Variants in PACRG observed in about 807,000 individuals in gnomAD.
PACRG encodes the protein parkin coregulated, also known as parkin coregulated gene protein.
In PACRG, 29 loss-of-function variants were observed where a neutral mutation model predicts 29.7. That is an observed-to-expected ratio of 0.98 (90% CI 0.73 to 1.33). The LOEUF is 1.33. Ranked by LOEUF, PACRG falls within the 40% of genes most tolerant of loss-of-function variation. PACRG has a pLI of 0.00. For missense variants in PACRG, 279 were observed against 316.2 expected, an observed-to-expected ratio of 0.88 and a Z score of 0.89; for synonymous variants, 116 against 118.7, an observed-to-expected ratio of 0.98 and a Z score of 0.15.
At chr6:162,944,175 T>C (rs1487951625) in intron 2 of PACRG, among the ~76,000 whole-genome samples, 1 of 152,158 alleles carries the variant, frequency 6.6e-6, no homozygotes, top group East Asian at 1.9e-4. Context: ...TAGTAATAAC[T>C]ACCGTAAGCC....
chr6:163,292,518 G>A (rs547991609), intron 4 of PACRG, among the ~76,000 whole-genome samples: 3 of 152,076 alleles, frequency 2.0e-5, no homozygotes, highest in East Asian at 1.9e-4. Context: ...CTCCTGCCTC[G>A]GCCTCCTGAG....
intron 4 of PACRG, among the ~76,000 whole-genome samples, chr6:163,150,727 G>A (rs951211346): frequency 6.6e-6 from 1 of 152,202 alleles, no homozygotes; most frequent in Non-Finnish European, 1.5e-5. Context: ...CGGTTACCCC[G>A]CTTGGTAGTG....
intron 4 of PACRG, among the ~76,000 whole-genome samples, chr6:163,182,135 C>T (rs1008277418): frequency 8.5e-5 from 13 of 152,170 alleles, no homozygotes; most frequent in African/African-American, 3.1e-4. Context: ...GTGATAGACT[C>T]TTCCAGGCTC....
At chr6:163,232,057 G>A (rs66518967) in intron 4 of PACRG, among the ~76,000 whole-genome samples, 11,549 of 152,230 alleles carry the variant, frequency 0.076, 912 homozygotes, top group African/African-American at 0.18. Context: ...ACTTGAAGTG[G>A]GCACTGACTT....
chr6:163,202,685 A>G (rs1006628516), intron 4 of PACRG, among the ~76,000 whole-genome samples: 12 of 152,200 alleles, frequency 7.9e-5, no homozygotes, highest in African/African-American at 2.4e-4. Flanking sequence ...TAGCAAATAG[A>G]TCTTGGATTG....
rs369181967 is a variant in PACRG at position 163,002,587 on chromosome 6, G to A, written c.292-59563G>A. On this transcript the variant is annotated intron_variant, in intron 2 of 4. Coordinates refer to ENST00000366888, the MANE Select transcript of PACRG (RefSeq NM_001080379.2). Reference sequence around the variant, plus strand: ...GATCATGATATACACCCAAAAAGTAGTCACTGAATAAATGAATGAATCAGT... The same window carrying A: ...GATCATGATATACACCCAAAAAGTAATCACTGAATAAATGAATGAATCAGT... Among the ~76,000 whole-genome samples, 6 of 152,288 alleles carry A rather than the reference G, an allele frequency of 3.9e-5. No individual in the cohort carries two copies. In the East Asian group the frequency reaches 1.2e-3, roughly 29 times the overall value.
intron 2 of PACRG, among the ~76,000 whole-genome samples, chr6:163,057,039 G>A (rs549681219): frequency 2.6e-5 from 4 of 152,266 alleles, no homozygotes; most frequent in South Asian, 2.1e-4. Flanking sequence ...GTAAAACAGC[G>A]TGAGATATAT....
At chr6:163,293,066 G>T (rs1784669794) in intron 4 of PACRG, among the ~76,000 whole-genome samples, 1 of 152,176 alleles carries the variant, frequency 6.6e-6, no homozygotes, top group Admixed American at 6.5e-5. Context: ...TGAGTCACCA[G>T]AAAAGATTTT....
intron 1 of PACRG, among the ~76,000 whole-genome samples, chr6:162,765,315 G>T (rs1782694137): frequency 6.6e-6 from 1 of 151,952 alleles, no homozygotes; most frequent in African/African-American, 2.4e-5. Context: ...CAAGGGAGAG[G>T]GAAACCCTTG....
At chr6:163,022,746 T>G (rs1307562732) in intron 2 of PACRG, among the ~76,000 whole-genome samples, 3 of 152,222 alleles carry the variant, frequency 2.0e-5, no homozygotes, top group African/African-American at 7.2e-5. Flanking sequence ...CTGTGGCAAG[T>G]CTGAGATTTA....
intron 2 of PACRG, among the ~76,000 whole-genome samples, chr6:162,817,704 A>T (rs1265084137): frequency 6.6e-6 from 1 of 152,212 alleles, no homozygotes. Context: ...TGGTTACCAT[A>T]TTAGACCATG....
intron 4 of PACRG, among the ~76,000 whole-genome samples, chr6:163,304,015 C>CAAAAAAA (rs59861286): frequency 0.084 from 6,421 of 76,150 alleles, 387 homozygotes; most frequent in African/African-American, 0.15. Context: ...GACTCCATTT[C>CAAAAAAA]AAAAAAAAAA....
intron 4 of PACRG, among the ~76,000 whole-genome samples, chr6:163,282,648 G>A (rs1200230712): frequency 6.6e-6 from 1 of 151,064 alleles, no homozygotes; most frequent in Admixed American, 6.6e-5. Context: ...GGAGGTGGAG[G>A]TTGAAATGAG....
chr6:162,892,931 G>A (rs538411896), intron 2 of PACRG, among the ~76,000 whole-genome samples: 32 of 149,658 alleles, frequency 2.1e-4, no homozygotes, highest in African/African-American at 6.2e-4. Context: ...CAGGAGCCTC[G>A]GCCCACACCC....
At chr6:162,982,702 G>C (rs1584932832) in intron 2 of PACRG, among the ~76,000 whole-genome samples, 1 of 151,976 alleles carries the variant, frequency 6.6e-6, no homozygotes, top group Non-Finnish European at 1.5e-5. Flanking sequence ...TAAATGTATT[G>C]AGACTTGTTT....
chr6:163,179,457 T>C, intron 4 of PACRG: 1 of 288,204 alleles, frequency 3.5e-6, no homozygotes, highest in East Asian at 9.1e-5. Flanking sequence ...CCCAACACTT[T>C]GGGAGGCTGA....
chr6:162,745,379 T>C (rs1019068434), intron 1 of PACRG, among the ~76,000 whole-genome samples: 1 of 151,904 alleles, frequency 6.6e-6, no homozygotes, highest in Admixed American at 6.6e-5. Flanking sequence ...CACAGGGGCC[T>C]TTCGGGGGAT....
At chr6:162,959,764 G>T (rs935954928) in intron 2 of PACRG, among the ~76,000 whole-genome samples, 11 of 152,150 alleles carry the variant, frequency 7.2e-5, no homozygotes, top group Non-Finnish European at 1.6e-4. Context: ...CCAAGGTGCA[G>T]ATGGTACAGA....
intron 1 of PACRG, among the ~76,000 whole-genome samples, chr6:162,759,361 A>C (rs991428094): frequency 6.6e-6 from 1 of 152,160 alleles, no homozygotes; most frequent in Non-Finnish European, 1.5e-5. Context: ...GCCGTGGCTC[A>C]CATAACCATG....
Sources: gnomAD v4.1 joint callset for allele counts (sites outside exome capture counted in the v4.1 genomes callset) on GRCh38, gnomAD v4.1.1 for gene constraint, MANE v1.5 for transcripts, NCBI Gene and HGNC (gene_info 2026-07-23, HGNC 2026-07-21) for gene names.